The following MARCHF3 variants were observed in gnomAD, a reference collection of about 807,000 sequenced individuals.
MARCHF3 encodes the protein membrane associated ring-CH-type finger 3, also known as E3 ubiquitin-protein ligase MARCHF3.
Under a neutral mutation model 24.2 loss-of-function variants are expected in MARCHF3, and 13 were observed. That is an observed-to-expected ratio of 0.54 (90% CI 0.35 to 0.85). The LOEUF is 0.85. Ranked by LOEUF, MARCHF3 falls within the 40% of genes least tolerant of loss-of-function variation. The pLI, the probability that MARCHF3 is intolerant of heterozygous loss-of-function variation, is 0.01. For missense variants in MARCHF3, 276 were observed against 325.0 expected, an observed-to-expected ratio of 0.85 and a Z score of 1.16; for synonymous variants, 144 against 137.3, an observed-to-expected ratio of 1.05 and a Z score of -0.34.
intron 1 of MARCHF3, among the ~76,000 whole-genome samples, chr5:126,926,973 C>T (rs1031148443): frequency 6.6e-6 from 1 of 152,116 alleles, no homozygotes; most frequent in East Asian, 1.9e-4. Flanking sequence ...TACCCCTGCC[C>T]CCATCTTCCC....
In MARCHF3 at chr5:126,868,154, G is replaced by C. The variant is rs1368973505; in HGVS notation, c.*2479C>G. ...TGCTGGTAGGCTGCATGGTGCCTCT[G>C]TACCCATTAATACCTGTTAACAAAA... On this transcript the variant is annotated 3_prime_UTR_variant, in exon 5 of 5. Transcript: ENST00000308660. The C allele has an allele frequency of 6.6e-6, 1 of 152,220 alleles. No homozygotes were observed. Among genetic ancestry groups the C allele is most frequent in the Non-Finnish European group, 1.5e-5 (1 of 68,052 alleles). 9.4% of individuals were successfully genotyped at this position (152,220 alleles called of 1,614,324 possible).
At chr5:126,893,492 T>A (rs1753765961) in intron 3 of MARCHF3, among the ~76,000 whole-genome samples, 4 of 152,026 alleles carry the variant, frequency 2.6e-5, no homozygotes, top group African/African-American at 9.7e-5. Flanking sequence ...ATGTTGTGTC[T>A]TTGTTGTTGT....
At chr5:126,971,448 CAAA>C (rs60881844) in intron 1 of MARCHF3, among the ~76,000 whole-genome samples, 19 of 89,742 alleles carry the variant, frequency 2.1e-4, no homozygotes, top group African/African-American at 6.2e-4. Flanking sequence ...GACTCTGTCT[CAAA>C]AAAAAAAAAA....
rs555033910 is a variant in MARCHF3 at position 126,894,823 on chromosome 5, G to A, written c.394-16429C>T. ...TCTTCTCGAGGAGTATCTTTGTGGC[G>A]TTCTCTGTATTTCCTGAATCTGAAC... is the stretch of plus-strand genomic sequence containing the variant. On this transcript the variant is annotated intron_variant, in intron 3 of 4. Transcript: ENST00000308660. Among the ~76,000 whole-genome samples, 264 of 151,860 alleles carry A rather than the reference G, an allele frequency of 1.7e-3. 2 individuals are homozygous for A. The highest frequency in any genetic ancestry group is 6.0e-3 in the African/African-American group (250 of 41,384).
rs1190584761 is a variant in MARCHF3, at chr5:126,893,595, C to T, written c.394-15201G>A. 3.8e-4 allele frequency among the ~76,000 whole-genome samples: 57 copies of T among 150,946 alleles called. 1 individual carries two copies. Among genetic ancestry groups the T allele is most frequent in the Non-Finnish European group, 1.9e-4 (13 of 67,594 alleles). On this transcript the variant is annotated intron_variant, in intron 3 of 4. Transcript: ENST00000308660. ...GTTGTTCAGTTTCCATGTAGTTGAG[C>T]GGTTTTGAGTGAGATTCTTAACCCT...
intron 1 of MARCHF3, among the ~76,000 whole-genome samples, chr5:126,957,386 A>G (rs140692270): frequency 7.9e-5 from 12 of 152,146 alleles, no homozygotes; most frequent in African/African-American, 2.7e-4. Flanking sequence ...AAACCTATCA[A>G]TCATTTTTTC....
chr5:126,894,680 T>C (rs932066514), intron 3 of MARCHF3, among the ~76,000 whole-genome samples: 1 of 152,070 alleles, frequency 6.6e-6, no homozygotes, highest in African/African-American at 2.4e-5. Context: ...TGGGCTTCCC[T>C]TTGAGGGTAA....
intron 1 of MARCHF3, among the ~76,000 whole-genome samples, chr5:127,020,121 T>G (rs1752747852): frequency 6.6e-6 from 1 of 152,216 alleles, no homozygotes; most frequent in Admixed American, 6.5e-5. Context: ...GCTTAATAAC[T>G]TTGACTTTCA....
intron 1 of MARCHF3, among the ~76,000 whole-genome samples, chr5:126,930,559 T>C (rs958583720): frequency 3.3e-5 from 5 of 152,226 alleles, no homozygotes; most frequent in Admixed American, 2.6e-4. Flanking sequence ...TCAGGCTTTC[T>C]GATCCAACAG....
intron 1 of MARCHF3, among the ~76,000 whole-genome samples, chr5:127,000,628 C>A (rs1313944121): frequency 2.6e-5 from 4 of 152,356 alleles, no homozygotes; most frequent in African/African-American, 9.6e-5. Flanking sequence ...ATGAAAGGAA[C>A]TGCAACTGCC....
chr5:126,921,338 C>T (rs183770951), intron 1 of MARCHF3, among the ~76,000 whole-genome samples: 2 of 151,370 alleles, frequency 1.3e-5, no homozygotes, highest in Non-Finnish European at 2.9e-5. Context: ...ACTCAGGTGG[C>T]GGAGGAGGAA....
intron 1 of MARCHF3, among the ~76,000 whole-genome samples, chr5:127,010,821 TACTG>T (rs1752447787): frequency 6.6e-6 from 1 of 152,094 alleles, no homozygotes; most frequent in African/African-American, 2.4e-5. Flanking sequence ...AAAAGACAAA[TACTG>T]TATGATTCCA....
chr5:127,020,374 T>C (rs1167881964), intron 1 of MARCHF3, among the ~76,000 whole-genome samples: 5 of 152,214 alleles, frequency 3.3e-5, no homozygotes, highest in Non-Finnish European at 7.3e-5. Flanking sequence ...GGTGCAATGT[T>C]GTAAGGAGGT....
intron 1 of MARCHF3, among the ~76,000 whole-genome samples, chr5:126,950,677 T>C (rs111894976): frequency 2.3e-4 from 35 of 152,298 alleles, no homozygotes; most frequent in African/African-American, 8.2e-4. Flanking sequence ...TTCAACATCA[T>C]CAATTTCTCC....
chr5:126,906,686 T>G (rs1474194657), intron 3 of MARCHF3, among the ~76,000 whole-genome samples: 1 of 152,174 alleles, frequency 6.6e-6, no homozygotes, highest in Non-Finnish European at 1.5e-5. Flanking sequence ...TTTTTTATTG[T>G]GTCTATTTGA....
intron 1 of MARCHF3, among the ~76,000 whole-genome samples, chr5:127,001,055 T>C (rs1021055232): frequency 5.3e-5 from 8 of 152,034 alleles, no homozygotes; most frequent in Non-Finnish European, 1.0e-4. Context: ...CTGATCAACA[T>C]GGTGAAACTC....
In MARCHF3 at chr5:126,922,461, T is replaced by G. The variant is rs374064157; in HGVS notation, c.-56-4234A>C. Among the ~76,000 whole-genome samples the G allele has an allele frequency of 7.9e-5, 12 of 152,290 alleles. No homozygotes were observed. In the East Asian group the frequency reaches 1.7e-3, roughly 22 times the overall value. The stretch of plus-strand genomic sequence containing the variant: ...AGAAGTTTGAACTTTATTATTATGT[T>G]AACCTTCATTTCTGCTCTTTTTCTA... On this transcript the variant is annotated intron_variant, in intron 1 of 4. Transcript: ENST00000308660.
chr5:127,021,075 A>G (rs1752790597), intron 1 of MARCHF3, among the ~76,000 whole-genome samples: 1 of 152,062 alleles, frequency 6.6e-6, no homozygotes, highest in Non-Finnish European at 1.5e-5. Context: ...TACTTGATCT[A>G]TTTGTTACAG....
Position 126,930,097 on chromosome 5 carries a change from T to TA in MARCHF3, c.-56-11871dup, listed in dbSNP as rs1011930849. Among the ~76,000 whole-genome samples, 30 of 148,790 alleles carry TA rather than the reference T, an allele frequency of 2.0e-4. No individual in the cohort carries two copies. In the South Asian group the frequency reaches 2.1e-3, roughly 11 times the overall value. Reference sequence around the variant, plus strand: ...AAGATCCACCTGTCTTTATTGAAATTAAAAAAAAAAGTCAGACCACTACTA... The same window carrying TA: ...AAGATCCACCTGTCTTTATTGAAATTAAAAAAAAAAAGTCAGACCACTACTA... On this transcript the variant is annotated intron_variant, in intron 1 of 4. Transcript: ENST00000308660.
Sources: allele counts gnomAD v4.1 joint callset (sites outside exome capture counted in the v4.1 genomes callset), GRCh38; gene constraint gnomAD v4.1.1; transcripts MANE v1.5; gene names NCBI Gene and HGNC (gene_info 2026-07-23, HGNC 2026-07-21).